ZBBX: variants seen among roughly 807,000 people sequenced by gnomAD.
ZBBX encodes zinc finger B-box domain containing.
In ZBBX, 101 loss-of-function variants were observed where a neutral mutation model predicts 108.5. The ratio of observed to expected loss-of-function variants is 0.93; its 90% CI spans 0.79 to 1.10. ZBBX has a LOEUF of 1.10. Among genes scored for constraint, ZBBX ranks in the 50% least tolerant of loss-of-function variants. ZBBX has a pLI of 0.00. For synonymous variants in ZBBX, 356 were observed against 323.4 expected (o/e 1.10, Z -1.08); for missense variants, 1,009 against 941.4 (o/e 1.07, Z -0.94).
intron 11 of ZBBX, among the ~76,000 whole-genome samples, chr3:167,325,092 G>GT (rs1236342545): frequency 2.6e-5 from 4 of 152,068 alleles, no homozygotes; most frequent in South Asian, 4.2e-4. Flanking sequence ...AATCTGATTT[G>GT]TTTTTTATTT....
intron 1 of ZBBX, among the ~76,000 whole-genome samples, chr3:167,399,824 T>C (rs1178990717): frequency 6.6e-6 from 1 of 152,132 alleles, no homozygotes; most frequent in African/African-American, 2.4e-5. Flanking sequence ...GTGAACATAT[T>C]ACCCAATAGG....
At chr3:167,344,220 A>C (rs1272940564) in intron 9 of ZBBX, among the ~76,000 whole-genome samples, 1 of 151,806 alleles carries the variant, frequency 6.6e-6, no homozygotes, top group African/African-American at 2.4e-5. Flanking sequence ...GGGAGATAGG[A>C]GGAGGATGGA....
chr3:167,244,724 A>G (rs888482661), intron 20 of ZBBX, among the ~76,000 whole-genome samples: 5 of 152,234 alleles, frequency 3.3e-5, no homozygotes, highest in African/African-American at 1.2e-4. Flanking sequence ...CAGGTAAGAC[A>G]GGATTAACAT....
intron 11 of ZBBX, among the ~76,000 whole-genome samples, chr3:167,325,626 C>A (rs1192285207): frequency 2.0e-5 from 3 of 151,994 alleles, no homozygotes; most frequent in Non-Finnish European, 4.4e-5. Flanking sequence ...TTTTTTTGAC[C>A]TCCACTTAGG....
the ZBBX span, among the ~76,000 whole-genome samples, chr3:167,214,787 A>C: frequency 1.3e-5 from 2 of 152,154 alleles, no homozygotes; most frequent in Non-Finnish European, 2.9e-5. Context: ...CATAGCAAAC[A>C]CAATCTCAGA....
At chr3:167,200,151 T>G in the ZBBX span, among the ~76,000 whole-genome samples, 1 of 152,112 alleles carries the variant, frequency 6.6e-6, no homozygotes, top group Admixed American at 6.6e-5. Flanking sequence ...TAACCTCATT[T>G]CAACTTGATT....
chr3:167,197,237 A>G, the ZBBX span, among the ~76,000 whole-genome samples: 1 of 152,150 alleles, frequency 6.6e-6, no homozygotes, highest in South Asian at 2.1e-4. Context: ...CTCATTAAGG[A>G]GTTAAGAATT....
intron 20 of ZBBX, among the ~76,000 whole-genome samples, chr3:167,268,440 G>C (rs1007799566): frequency 6.6e-6 from 1 of 151,750 alleles, no homozygotes; most frequent in Non-Finnish European, 1.5e-5. Flanking sequence ...CAAGACCCCT[G>C]GTGGGACAAT....
rs1242869603 is a variant in ZBBX, at chr3:167,239,998, C to T, written c.*795G>A. Among the ~76,000 whole-genome samples, 2 of 152,100 alleles carry T rather than the reference C, an allele frequency of 1.3e-5. No individual in the cohort carries two copies. The highest frequency in any genetic ancestry group is 2.9e-5 in the Non-Finnish European group (2 of 68,008). ...AAAGGGGGGACAGCCCCTTATAAAACCATCAGATCACATGAGAACTCATTA... is the reference window on the plus strand; with the variant it reads ...AAAGGGGGGACAGCCCCTTATAAAATCATCAGATCACATGAGAACTCATTA... On this transcript the variant is annotated 3_prime_UTR_variant, in exon 22 of 22. Transcript: ENST00000675490.
At chr3:167,344,375 C>T (rs1238501267) in intron 9 of ZBBX, among the ~76,000 whole-genome samples, 3 of 151,750 alleles carry the variant, frequency 2.0e-5, no homozygotes, top group African/African-American at 7.3e-5. Flanking sequence ...TGAATTATAT[C>T]GCAATAATGC....
chr3:167,234,691 G>C, the ZBBX span, among the ~76,000 whole-genome samples: 1 of 151,724 alleles, frequency 6.6e-6, no homozygotes, highest in Non-Finnish European at 1.5e-5. Context: ...CAGTAATAAA[G>C]ATAACAGTAG....
chr3:167,178,417 C>T, the ZBBX span, among the ~76,000 whole-genome samples: 1 of 152,188 alleles, frequency 6.6e-6, no homozygotes, highest in African/African-American at 2.4e-5. Flanking sequence ...GACTGGTTGT[C>T]CTGCTTTCCT....
At chr3:167,340,632 C>T (rs541722499) in intron 9 of ZBBX, among the ~76,000 whole-genome samples, 114 of 151,874 alleles carry the variant, frequency 7.5e-4, no homozygotes, top group African/African-American at 2.6e-3. Context: ...TCTGAATTCT[C>T]GCTGAAAATT....
chr3:167,346,493 T>C (rs1486875100), intron 9 of ZBBX, among the ~76,000 whole-genome samples: 1 of 151,842 alleles, frequency 6.6e-6, no homozygotes, highest in Non-Finnish European at 1.5e-5. Flanking sequence ...GCTGAAACAG[T>C]TTACAACTAT....
At chr3:167,205,650 G>T in the ZBBX span, among the ~76,000 whole-genome samples, 1 of 152,156 alleles carries the variant, frequency 6.6e-6, no homozygotes, top group Admixed American at 6.6e-5. Context: ...AGAGTGTCAT[G>T]ACGTTCCTAT....
chr3:167,202,448 G>C, the ZBBX span, among the ~76,000 whole-genome samples: 1 of 151,950 alleles, frequency 6.6e-6, no homozygotes. Flanking sequence ...TAATCAATAT[G>C]ATCAAGTAAT....
At chr3:167,231,140 G>C in the ZBBX span, among the ~76,000 whole-genome samples, 2 of 151,700 alleles carry the variant, frequency 1.3e-5, no homozygotes, top group African/African-American at 4.8e-5. Context: ...TTCTGTTTTG[G>C]GTATGTCAGT....
At chr3:167,230,504 G>T in the ZBBX span, among the ~76,000 whole-genome samples, 1 of 151,752 alleles carries the variant, frequency 6.6e-6, no homozygotes, top group Non-Finnish European at 1.5e-5. Flanking sequence ...TATATACAGT[G>T]GCCAGTAAGG....
At chr3:167,386,284 C>A (rs1307963327) in intron 1 of ZBBX, among the ~76,000 whole-genome samples, 1 of 152,044 alleles carries the variant, frequency 6.6e-6, no homozygotes, top group African/African-American at 2.4e-5. Context: ...TACACTCCTG[C>A]ATCTTTAAAA....
Sources: gnomAD v4.1 joint callset for allele counts (sites outside exome capture counted in the v4.1 genomes callset) on GRCh38, gnomAD v4.1.1 for gene constraint, MANE v1.5 for transcripts, NCBI Gene and HGNC (gene_info 2026-07-23, HGNC 2026-07-21) for gene names.